The following TTC28 variants were observed in gnomAD, a reference collection of about 807,000 sequenced individuals.
TTC28 encodes tetratricopeptide repeat domain 28.
Under a neutral mutation model 198.0 loss-of-function variants are expected in TTC28, and 61 were observed. That is an observed-to-expected ratio of 0.31 (90% CI 0.25 to 0.38). TTC28 has a LOEUF of 0.38. Ranked by LOEUF, TTC28 falls within the 10% of genes least tolerant of loss-of-function variation. The pLI is 1.00. For missense variants in TTC28, 2,678 were observed against 3,164.0 expected, an observed-to-expected ratio of 0.85 and a Z score of 3.69; for synonymous variants, 1,171 against 1,297.8, an observed-to-expected ratio of 0.90 and a Z score of 2.10.
intron 2 of TTC28, among the ~76,000 whole-genome samples, chr22:28,482,207 C>CTT (rs36011379): frequency 0.016 from 1,062 of 66,920 alleles, 168 homozygotes; most frequent in African/African-American, 0.039. Context: ...AATGGGCAGT[C>CTT]TTTTTTTTTT....
At chr22:28,266,791 T>C (rs1931710669) in intron 5 of TTC28, among the ~76,000 whole-genome samples, 1 of 152,170 alleles carries the variant, frequency 6.6e-6, no homozygotes, top group Non-Finnish European at 1.5e-5. Context: ...CTACCCATAT[T>C]TTGTGGTTAT....
intron 5 of TTC28, among the ~76,000 whole-genome samples, chr22:28,187,870 G>A (rs1464181945): frequency 6.6e-6 from 1 of 152,198 alleles, no homozygotes; most frequent in Non-Finnish European, 1.5e-5. Context: ...GTGAATACCA[G>A]CTGCGTTCAA....
chr22:27,979,744 A>G lies in TTC28; in HGVS notation c.*2477T>C, dbSNP rs1936954596. 6.6e-6 allele frequency: 1 copy of G among 152,314 alleles called. No individual in the cohort carries two copies. Among genetic ancestry groups the G allele is most frequent in the Middle Eastern group, 3.4e-3 (1 of 294 alleles). The allele number at this position is 152,314 out of a possible 1,614,324, so 9.4% of individuals were successfully genotyped here. On this transcript the variant is annotated 3_prime_UTR_variant, in exon 23 of 23. Coordinates refer to ENST00000397906, the MANE Select transcript of TTC28 (RefSeq NM_001145418.2). The stretch of plus-strand genomic sequence containing the variant: ...AGTGTAGCCTGAAACATTCACTGTG[A>G]TTTTATGATTTTACATCCATTTTAC...
chr22:28,641,272 C>T (rs543194831), intron 1 of TTC28, among the ~76,000 whole-genome samples: 1 of 151,570 alleles, frequency 6.6e-6, no homozygotes, highest in African/African-American at 2.4e-5. Flanking sequence ...TGCAGTGAGC[C>T]GAGATCGCAC....
chr22:28,477,934 G>A (rs2146314597), intron 2 of TTC28, among the ~76,000 whole-genome samples: 1 of 152,306 alleles, frequency 6.6e-6, no homozygotes, highest in African/African-American at 2.4e-5. Flanking sequence ...GACAAACCAA[G>A]ATTAATAAAA....
chr22:28,151,312 A>C (rs1185565906), intron 6 of TTC28, among the ~76,000 whole-genome samples: 1 of 152,222 alleles, frequency 6.6e-6, no homozygotes, highest in African/African-American at 2.4e-5. Flanking sequence ...AAGCTGAAAA[A>C]CATAAGCTAA....
chr22:28,579,234 CATAG>C (rs1261198377), intron 2 of TTC28, among the ~76,000 whole-genome samples: 1 of 149,834 alleles, frequency 6.7e-6, no homozygotes, highest in Non-Finnish European at 1.5e-5. Context: ...TGTAGCTACA[CATAG>C]ATATGTATAG....
rs569984679 is a variant in TTC28 at position 28,206,900 on chromosome 22, A to G, written c.934-43301T>C. 2.0e-5 allele frequency among the ~76,000 whole-genome samples: 3 copies of G among 152,264 alleles called. No individual in the cohort carries two copies. The South Asian group carries it at 6.2e-4, about 32-fold the overall frequency. On this transcript the variant is annotated intron_variant, in intron 5 of 22. Coordinates refer to ENST00000397906, the MANE Select transcript of TTC28 (RefSeq NM_001145418.2). The stretch of plus-strand genomic sequence containing the variant: ...TTACAGATAATGGGGAGAAGTCCGT[A>G]CCTACTCCGGACGGAATCGGGTGGG...
chr22:28,188,749 T>C (rs1356096376), intron 5 of TTC28, among the ~76,000 whole-genome samples: 2 of 152,176 alleles, frequency 1.3e-5, no homozygotes, highest in African/African-American at 4.8e-5. Flanking sequence ...CTGGCAGTCA[T>C]GCTGGAAGCC....
intron 2 of TTC28, among the ~76,000 whole-genome samples, chr22:28,333,401 A>G (rs1331654536): frequency 6.6e-6 from 1 of 152,144 alleles, no homozygotes; most frequent in Non-Finnish European, 1.5e-5. Context: ...TGAAATCATA[A>G]TAGTCTGGAG....
intron 16 of TTC28, 83 bp downstream of exon 16, chr22:27,998,456 AC>A: frequency 6.8e-7 from 1 of 1,470,940 alleles, no homozygotes. Context: ...CCCCTCCCCA[AC>A]CCCACTGGCA....
intron 1 of TTC28, among the ~76,000 whole-genome samples, chr22:28,635,043 T>C (rs987738609): frequency 1.3e-5 from 2 of 152,106 alleles, no homozygotes; most frequent in Non-Finnish European, 2.9e-5. Context: ...CCGTAAGGGA[T>C]GGGCACGGTG....
At chr22:28,040,596 A>G (rs913705874) in intron 12 of TTC28, among the ~76,000 whole-genome samples, 1 of 152,212 alleles carries the variant, frequency 6.6e-6, no homozygotes, top group Non-Finnish European at 1.5e-5. Flanking sequence ...CAAAATAATA[A>G]GAGCTATTTA....
chr22:28,207,573 C>A (rs1926534725), intron 5 of TTC28, among the ~76,000 whole-genome samples: 1 of 152,074 alleles, frequency 6.6e-6, no homozygotes, highest in Admixed American at 6.5e-5. Flanking sequence ...ACTATGTAAA[C>A]CCATAATGGA....
At chr22:27,990,577 C>T (rs1937363891) in intron 20 of TTC28, among the ~76,000 whole-genome samples, 1 of 152,110 alleles carries the variant, frequency 6.6e-6, no homozygotes, top group Admixed American at 6.6e-5. Flanking sequence ...ATCAAGGACG[C>T]AAGAAGGGCG....
At chr22:28,543,871 A>G (rs1225542491) in intron 2 of TTC28, among the ~76,000 whole-genome samples, 7 of 152,214 alleles carry the variant, frequency 4.6e-5, no homozygotes, top group Admixed American at 4.6e-4. Context: ...AAATCCAACA[A>G]TATCTAAAAA....
In TTC28 at chr22:28,629,565, G is replaced by A; in HGVS notation, c.368C>T (p.Pro123Leu). The A allele has an allele frequency of 3.2e-6, 5 of 1,550,212 alleles. No individual in the cohort carries two copies. Among genetic ancestry groups the A allele is most frequent in the Non-Finnish European group, 4.4e-6 (5 of 1,146,274 alleles). ...AAAAATTTCTACCTTTGGCCACTTG[G>A]GATTGAGAAGTCGAGCTTTGATTGC... ...DDAIKARLLN[P>L]KWPKAYFRQG... The change falls in exon 2 of 23, where the codon CCC becomes CTC. Residue 123 changes from proline to leucine, a missense_variant. Transcript: ENST00000397906.
At chr22:28,651,370 G>A (rs2051561343) in intron 1 of TTC28, among the ~76,000 whole-genome samples, 2 of 151,140 alleles carry the variant, frequency 1.3e-5, no homozygotes, top group Admixed American at 6.6e-5. Context: ...GGCGTGATCT[G>A]AGCTCACTGT....
chr22:28,256,485 A>T (rs2147287057), intron 5 of TTC28, among the ~76,000 whole-genome samples: 1 of 152,118 alleles, frequency 6.6e-6, no homozygotes, highest in South Asian at 2.1e-4. Context: ...AAAGAGAAAG[A>T]GATTAATGTA....
Sources: gnomAD v4.1 joint callset for allele counts (sites outside exome capture counted in the v4.1 genomes callset) on GRCh38, gnomAD v4.1.1 for gene constraint, MANE v1.5 for transcripts, NCBI Gene and HGNC (gene_info 2026-07-23, HGNC 2026-07-21) for gene names.